Variants in FREM1 observed in about 807,000 individuals in gnomAD.
FREM1 encodes FRAS1-related extracellular matrix protein 1.
Under a neutral mutation model 210.1 loss-of-function variants are expected in FREM1, and 220 were observed. That is an observed-to-expected ratio of 1.05 (90% CI 0.94 to 1.17). FREM1 has a LOEUF of 1.17. Ranked by LOEUF, FREM1 falls within the 50% of genes most tolerant of loss-of-function variation. The probability of loss-of-function intolerance (pLI) is 0.00; values close to 1 mark genes in which losing one functional copy is unlikely to be tolerated. For missense variants in FREM1, 3,454 were observed against 2,675.5 expected (o/e 1.29, Z -6.42); for synonymous variants, 1,189 against 980.2 (o/e 1.21, Z -3.98).
chr9:14,741,962 G>A (rs896177586), intron 35 of FREM1, among the ~76,000 whole-genome samples: 1 of 152,192 alleles, frequency 6.6e-6, no homozygotes, highest in Non-Finnish European at 1.5e-5. Flanking sequence ...AAAGCAAGAA[G>A]TTCCAAAAGA....
chr9:14,767,146 A>T (rs1292059657), intron 27 of FREM1, among the ~76,000 whole-genome samples: 1 of 152,222 alleles, frequency 6.6e-6, no homozygotes, highest in East Asian at 1.9e-4. Context: ...CAAAGCTCAA[A>T]CCTTGTCCTC....
At chr9:14,755,762 T>C (rs1007343133) in intron 29 of FREM1, among the ~76,000 whole-genome samples, 1 of 152,246 alleles carries the variant, frequency 6.6e-6, no homozygotes, top group African/African-American at 2.4e-5. Context: ...ACAGCTCATC[T>C]TTTGGGTCCC....
intron 6 of FREM1, among the ~76,000 whole-genome samples, chr9:14,849,696 G>T (rs936291256): frequency 6.6e-6 from 1 of 152,208 alleles, no homozygotes; most frequent in Non-Finnish European, 1.5e-5. Flanking sequence ...AATGCATTCG[G>T]TTGGGCCCTG....
intron 1 of FREM1, among the ~76,000 whole-genome samples, chr9:14,900,719 C>T (rs1838637570): frequency 6.6e-6 from 1 of 152,122 alleles, no homozygotes; most frequent in Non-Finnish European, 1.5e-5. Flanking sequence ...GATGGCCATC[C>T]CTGGAAAGCC....
At chr9:14,873,063 C>T (rs1299210150) in intron 1 of FREM1, among the ~76,000 whole-genome samples, 3 of 152,118 alleles carry the variant, frequency 2.0e-5, no homozygotes, top group African/African-American at 2.4e-5. Context: ...CTGCTGGATT[C>T]GGTTTGCCAG....
At chr9:14,777,449 A>G (rs1182028293) in intron 24 of FREM1, among the ~76,000 whole-genome samples, 1 of 152,242 alleles carries the variant, frequency 6.6e-6, no homozygotes, top group Non-Finnish European at 1.5e-5. Flanking sequence ...AAATGTACTT[A>G]GAAATAATCA....
chr9:14,737,334 C>A lies in FREM1; in HGVS notation c.*62G>T. On this transcript the variant is annotated 3_prime_UTR_variant, in exon 37 of 37. Transcript: ENST00000380880. The stretch of plus-strand genomic sequence containing the variant: ...AATTTGTTTTCTATGGAGCAATATT[C>A]ACAGATCCTGTGAATAAATAGGTGA... 1.5e-6 allele frequency: 2 copies of A among 1,300,838 alleles called. No individual in the cohort carries two copies. The highest frequency in any genetic ancestry group is 2.7e-5 in the South Asian group (2 of 74,652). 80.6% of individuals were successfully genotyped at this position (1,300,838 alleles called of 1,614,324 possible).
At chr9:14,737,650 A>G (rs1840640637) in intron 36 of FREM1, 55 bp from the exon 37 acceptor site, 4 of 1,335,950 alleles carry the variant, frequency 3.0e-6, no homozygotes, top group Admixed American at 3.0e-5. Flanking sequence ...ATACTTAGAT[A>G]TCATATCCAG....
At chr9:14,747,569 A>G in intron 32 of FREM1, 112 bp downstream of exon 32, 1 of 1,062,240 alleles carries the variant, frequency 9.4e-7, no homozygotes, top group African/African-American at 1.6e-5. Context: ...CTCTAATTTC[A>G]AAACAATTTT....
chr9:14,822,412 C>G (rs1053365916), intron 13 of FREM1, among the ~76,000 whole-genome samples: 1 of 152,064 alleles, frequency 6.6e-6, no homozygotes. Flanking sequence ...AGTAGGCACC[C>G]GGGAAAGTGA....
rs1845146311 is a variant in FREM1 at position 14,759,803 on chromosome 9, T to C, written c.5303A>G (p.Tyr1768Cys). 1.2e-6 allele frequency: 2 copies of C among 1,612,224 alleles called. No homozygotes were observed. The highest frequency in any genetic ancestry group is 4.5e-5 in the East Asian group (2 of 44,798). ...ACCCACAAAGGCCGAGTCCATGGAA[T>C]ATCCCCTTCTGATAATTTCCAAGGG... Reference protein sequence around the residue: ...LLPLEIIRRGYSMDSAFVGIK... With the variant: ...LLPLEIIRRGCSMDSAFVGIK... The change falls in exon 28 of 37, where the codon TAT (tyrosine) becomes TGT (cysteine). Residue 1768 changes from tyrosine to cysteine, a missense_variant. By Grantham distance (194) the Tyr-to-Cys change is radical (BLOSUM62 -2). Transcript: ENST00000380880.
intron 13 of FREM1, 69 bp downstream of exon 13, chr9:14,823,091 T>G: frequency 8.4e-7 from 1 of 1,190,108 alleles, no homozygotes; most frequent in South Asian, 2.0e-5. Context: ...AGTTACCATT[T>G]CTAGTAGGTC....
chr9:14,899,907 T>C (rs531212688), intron 1 of FREM1, among the ~76,000 whole-genome samples: 31 of 152,320 alleles, frequency 2.0e-4, no homozygotes, highest in African/African-American at 7.0e-4. Flanking sequence ...GAGACTCCTT[T>C]ACTTGGTTTT....
At chr9:14,741,540 A>G (rs528174370) in intron 35 of FREM1, among the ~76,000 whole-genome samples, 1 of 152,272 alleles carries the variant, frequency 6.6e-6, no homozygotes, top group African/African-American at 2.4e-5. Context: ...AGGTATGATG[A>G]GGCATCTCCT....
intron 28 of FREM1, among the ~76,000 whole-genome samples, chr9:14,757,242 G>C (rs574291067): frequency 1.3e-5 from 2 of 152,132 alleles, no homozygotes; most frequent in African/African-American, 4.8e-5. Context: ...CCACCCAAAG[G>C]GTGCCCAAAC....
intron 29 of FREM1, among the ~76,000 whole-genome samples, chr9:14,752,605 C>G (rs943342892): frequency 1.3e-5 from 2 of 152,126 alleles, no homozygotes; most frequent in Non-Finnish European, 2.9e-5. Flanking sequence ...GGCAGATAGA[C>G]AGATAGGCTA....
intron 10 of FREM1, among the ~76,000 whole-genome samples, chr9:14,838,078 G>T (rs1024785571): frequency 4.6e-5 from 7 of 152,156 alleles, no homozygotes; most frequent in African/African-American, 1.7e-4. Context: ...TGAAGTTCTA[G>T]CCTTTTTTAT....
chr9:14,870,801 C>G (rs1329588268), intron 1 of FREM1, among the ~76,000 whole-genome samples: 1 of 123,928 alleles, frequency 8.1e-6, no homozygotes, highest in African/African-American at 3.0e-5. Context: ...CTATCCCTCC[C>G]CCCTCCCCCG....
intron 10 of FREM1, among the ~76,000 whole-genome samples, chr9:14,833,578 G>A (rs913285161): frequency 2.6e-5 from 4 of 152,046 alleles, no homozygotes; most frequent in African/African-American, 9.7e-5. Flanking sequence ...CCTAATTAAG[G>A]CTCATTGATT....
Sources: allele counts gnomAD v4.1 joint callset (sites outside exome capture counted in the v4.1 genomes callset), GRCh38; gene constraint gnomAD v4.1.1; transcripts MANE v1.5; gene names NCBI Gene and HGNC (gene_info 2026-07-23, HGNC 2026-07-21).